AGAP3: variants seen among roughly 807,000 people sequenced by gnomAD.
AGAP3 encodes the protein arf-GAP with GTPase, ANK repeat and PH domain-containing protein 3.
In AGAP3, 24 loss-of-function variants were observed where a neutral mutation model predicts 96.9. That is an observed-to-expected ratio of 0.25 (90% CI 0.18 to 0.35). The LOEUF is 0.35. Among genes scored for constraint, AGAP3 ranks in the 10% least tolerant of loss-of-function variants. AGAP3 has a pLI of 1.00. For synonymous variants in AGAP3, 563 were observed against 536.1 expected, an observed-to-expected ratio of 1.05 and a Z score of -0.69; for missense variants, 876 against 1,254.2, an observed-to-expected ratio of 0.70 and a Z score of 4.55.
At position 151,133,124 on chromosome 7, in the gene AGAP3, T is replaced by C. The variant is rs1012167841; in HGVS notation, c.1327-1276T>C. ...AGAGGGGAAAGGAGGAGCGGCTTTA[T>C]GTCCAATCAATGTAATTCAGTCAGA... On this transcript the variant is annotated intron_variant, in intron 10 of 17. Coordinates refer to ENST00000397238, the MANE Select transcript of AGAP3 (RefSeq NM_031946.7). This position sits in a 1 kb window ranked among gnomAD's most constrained non-coding sequence, Gnocchi z 5.4. Among the ~76,000 whole-genome samples, 2 of 152,182 alleles carry C rather than the reference T, an allele frequency of 1.3e-5. No individual in the cohort carries two copies. The highest frequency in any genetic ancestry group is 6.5e-5 in the Admixed American group (1 of 15,282).
At chr7:151,106,397 A>G (rs1799055508) in intron 1 of AGAP3, among the ~76,000 whole-genome samples, 1 of 151,994 alleles carries the variant, frequency 6.6e-6, no homozygotes, top group South Asian at 2.1e-4. Flanking sequence ...TAGTGGCACA[A>G]CCTCGGCTCA....
intron 3 of AGAP3, 49 bp downstream of exon 3, chr7:151,117,231 G>A (rs1463044120): frequency 6.3e-7 from 1 of 1,599,446 alleles, no homozygotes; most frequent in Non-Finnish European, 8.6e-7. Flanking sequence ...CACTCCTCCA[G>A]CTCCTGCCCA....
rs1305471163 is a variant in AGAP3, at chr7:151,142,144, C to G, written c.1960-19C>G. ...ACTGACCAACCGCCCCTTGTCTTGT[C>G]TCTCCTGCTGTGCGACAGACTCGAC... On this transcript the variant is annotated intron_variant, in intron 14 of 17. Transcript: ENST00000397238. This position sits in a 1 kb window ranked among gnomAD's most constrained non-coding sequence, Gnocchi z 7.5. The G allele has an allele frequency of 6.2e-6, 10 of 1,613,008 alleles. No homozygotes were observed. The highest frequency in any genetic ancestry group is 8.5e-6 in the Non-Finnish European group (10 of 1,179,370).
rs1799224314 is a variant in AGAP3 at position 151,110,200 on chromosome 7, A to ATT, written c.332-6593_332-6592insTT. On this transcript the variant is annotated intron_variant, in intron 1 of 17. Transcript: ENST00000397238. Reference sequence around the variant, plus strand: ...CCTTCCTCCCCACAAAGAGGCCAAAAGCCCTGGGAGCACAGTGCATGCTCA... The same window carrying ATT: ...CCTTCCTCCCCACAAAGAGGCCAAAATTGCCCTGGGAGCACAGTGCATGCTCA... Among the ~76,000 whole-genome samples, 4 of 152,346 alleles carry ATT rather than the reference A, an allele frequency of 2.6e-5. No homozygotes were observed. The East Asian group carries it at 7.7e-4, about 29-fold the overall frequency.
chr7:151,123,835 C>T lies in AGAP3; in HGVS notation c.1170C>T (p.Ala390=), dbSNP rs368165424. 4.0e-5 allele frequency: 64 copies of T among 1,612,526 alleles called. No homozygotes were observed. Among genetic ancestry groups the T allele is most frequent in the Middle Eastern group, 1.7e-4 (1 of 6,058 alleles). The change falls in exon 9 of 18, where the codon GCC becomes GCT. Residue 390 remains alanine, a synonymous_variant. Coordinates refer to ENST00000397238, the MANE Select transcript of AGAP3 (RefSeq NM_031946.7). ...ACCTGGACCGGGAGAAGAAGGCTGC[C>T]GAGTGCAAGGTGGACAGCATCGGGA... ...GADLDREKKA[A]ECKVDSIGSG... is the part of the protein sequence containing the mutation.
Position 151,118,286 on chromosome 7 carries a change from C to T in AGAP3, c.783C>T (p.Cys261=), listed in dbSNP as rs1231636131. The change falls in exon 6 of 18, where the codon TGC becomes TGT. Residue 261 remains cysteine (C), a synonymous_variant. Transcript: ENST00000397238. The surrounding 1 kb of genome is among the most constrained non-coding windows in gnomAD (Gnocchi z 6.1). ...ARKLSTDLKR[C]TYYETCATYG... ...AGCTCTCCACAGATCTGAAGCGGTG[C>T]ACCTACTATGAGACGTGCGCGACCT... is the stretch of plus-strand genomic sequence containing the variant. The T allele has an allele frequency of 1.9e-6, 3 of 1,613,836 alleles. No homozygotes were observed. Among genetic ancestry groups the T allele is most frequent in the African/African-American group, 1.3e-5 (1 of 75,052 alleles).
chr7:151,139,876 G>A lies in AGAP3; in HGVS notation c.1667-103G>A. The A allele has an allele frequency of 8.5e-7, 1 of 1,169,812 alleles. No individual in the cohort carries two copies. The allele number at this position is 1,169,812 out of a possible 1,614,324, so 72.5% of individuals were successfully genotyped here. ...GTCTGGCTCTCCTGAGTGTGGCCCA[G>A]CTACAGTTGGCAGGACTGGTCCTCT... On this transcript the variant is annotated intron_variant, in intron 12 of 17. Coordinates refer to ENST00000397238, the MANE Select transcript of AGAP3 (RefSeq NM_031946.7). This position sits in a 1 kb window ranked among gnomAD's most constrained non-coding sequence, Gnocchi z 4.9.
intron 8 of AGAP3, chr7:151,120,816 T>A: frequency 8.6e-7 from 1 of 1,167,140 alleles, no homozygotes; most frequent in Non-Finnish European, 1.1e-6. Context: ...TGGGGGCTGT[T>A]GTGCTGGCCC....
chr7:151,123,082 G>C (rs1799989269), intron 8 of AGAP3: 3 of 1,214,422 alleles, frequency 2.5e-6, no homozygotes, highest in Admixed American at 4.4e-5. Context: ...CCAGAGGGGC[G>C]GGGGAGTCCA....
chr7:151,118,129 G>C lies in AGAP3; in HGVS notation c.707-81G>C. The C allele has an allele frequency of 6.5e-7, 1 of 1,528,218 alleles. No homozygotes were observed. Among genetic ancestry groups the C allele is most frequent in the African/African-American group, 1.4e-5 (1 of 72,594 alleles). 94.7% of individuals were successfully genotyped at this position (1,528,218 alleles called of 1,614,324 possible). ...CACTCACCAGGCCCTTTGCACACCTGCCCTTGGGCCAAATGCCCCCCACCA... is the reference window on the plus strand; with the variant it reads ...CACTCACCAGGCCCTTTGCACACCTCCCCTTGGGCCAAATGCCCCCCACCA... On this transcript the variant is annotated intron_variant, in intron 5 of 17. Coordinates refer to ENST00000397238, the MANE Select transcript of AGAP3 (RefSeq NM_031946.7). This position sits in a 1 kb window ranked among gnomAD's most constrained non-coding sequence, Gnocchi z 6.1.
intron 1 of AGAP3, among the ~76,000 whole-genome samples, chr7:151,087,456 C>T (rs1203284158): frequency 6.6e-6 from 1 of 152,090 alleles, no homozygotes; most frequent in Non-Finnish European, 1.5e-5. Context: ...CGCAGTGGGG[C>T]GGGGGATCGG....
At chr7:151,126,331 A>C (rs1800169757) in intron 9 of AGAP3, among the ~76,000 whole-genome samples, 1 of 150,846 alleles carries the variant, frequency 6.6e-6, no homozygotes, top group African/African-American at 2.4e-5. Flanking sequence ...TCCACCTTCC[A>C]GGCCGCTGGA....
chr7:151,123,045 G>A (rs1799986425), intron 8 of AGAP3: 2 of 1,321,656 alleles, frequency 1.5e-6, no homozygotes, highest in Non-Finnish European at 1.9e-6. Flanking sequence ...TCGGCCCCAC[G>A]CCCGGCGCTG....
chr7:151,124,856 G>A (rs1452896498), intron 9 of AGAP3, among the ~76,000 whole-genome samples: 1 of 152,188 alleles, frequency 6.6e-6, no homozygotes, highest in East Asian at 1.9e-4. Flanking sequence ...CCAGAGGGCA[G>A]GGTCCCACAG....
chr7:151,098,435 G>A (rs1032807506), intron 1 of AGAP3, among the ~76,000 whole-genome samples: 6 of 151,996 alleles, frequency 3.9e-5, no homozygotes, highest in African/African-American at 1.5e-4. Flanking sequence ...AGGCCAAGGT[G>A]GGCAGATCAC....
chr7:151,102,598 C>A (rs1026425431), intron 1 of AGAP3, among the ~76,000 whole-genome samples: 227 of 122,962 alleles, frequency 1.8e-3, no homozygotes, highest in Admixed American at 2.3e-3. Flanking sequence ...CTCGTCTCTA[C>A]AAAAAAAAAA....
chr7:151,115,504 A>G, intron 1 of AGAP3: 1 of 1,021,290 alleles, frequency 9.8e-7, no homozygotes, highest in Non-Finnish European at 1.2e-6. Flanking sequence ...GCAGCGCCGG[A>G]GCCCGGCCGC....
chr7:151,086,089 T>C (rs1798131893), upstream of AGAP3: 1 of 152,262 alleles, frequency 6.6e-6, no homozygotes, highest in Non-Finnish European at 1.5e-5. Context: ...CGCAGGGCAC[T>C]GTTTGGGCAT....
chr7:151,115,890 A>T (rs1012790931), intron 1 of AGAP3, among the ~76,000 whole-genome samples: 1 of 152,192 alleles, frequency 6.6e-6, no homozygotes, highest in African/African-American at 2.4e-5. Flanking sequence ...GCTCTGGGCT[A>T]GGCCAGACAC....
Sources: allele counts gnomAD v4.1 joint callset (sites outside exome capture counted in the v4.1 genomes callset), GRCh38; gene constraint gnomAD v4.1.1; non-coding constraint Gnocchi (gnomAD v3.1); transcripts MANE v1.5; gene names NCBI Gene and HGNC (gene_info 2026-07-23, HGNC 2026-07-21).